The following SPATA7 variants were observed in gnomAD, a reference collection of about 807,000 sequenced individuals.
SPATA7 encodes the protein spermatogenesis associated 7, also known as spermatogenesis-associated protein 7.
A neutral mutation model predicts 51.8 loss-of-function variants in SPATA7; 43 were observed. That is an observed-to-expected ratio of 0.83 (90% CI 0.65 to 1.07). The LOEUF is 1.07. Ranked by LOEUF, SPATA7 falls within the 50% of genes least tolerant of loss-of-function variation. SPATA7 has a pLI of 0.00. For missense variants in SPATA7, 683 were observed against 701.3 expected (o/e 0.97, Z 0.30); for synonymous variants, 230 against 252.8 (o/e 0.91, Z 0.86).
chr14:88,393,762 A>G (rs932315680), intron 3 of SPATA7: 3 of 282,310 alleles, frequency 1.1e-5, no homozygotes, highest in African/African-American at 6.7e-5. Context: ...TTTAATATGA[A>G]AATATATAAT....
intron 3 of SPATA7, among the ~76,000 whole-genome samples, chr14:88,452,875 C>G (rs1460089009): frequency 6.6e-6 from 1 of 152,188 alleles, no homozygotes; most frequent in South Asian, 2.1e-4. Flanking sequence ...CCGAAGCACC[C>G]TGTGTCAATC....
chr14:88,418,535 T>G (rs530532355), intron 5 of SPATA7, among the ~76,000 whole-genome samples: 1 of 152,212 alleles, frequency 6.6e-6, no homozygotes, highest in South Asian at 2.1e-4. Context: ...CATGCAGTAG[T>G]GTGATCTCGG....
intron 10 of SPATA7, among the ~76,000 whole-genome samples, chr14:88,436,637 C>T (rs2077095561): frequency 1.3e-5 from 2 of 152,158 alleles, no homozygotes; most frequent in Non-Finnish European, 2.9e-5. Flanking sequence ...CATTCTTTTG[C>T]ATATGGGTAT....
chr14:88,417,291 T>G (rs1172143720), intron 5 of SPATA7, among the ~76,000 whole-genome samples: 1 of 129,956 alleles, frequency 7.7e-6, no homozygotes, highest in African/African-American at 2.6e-5. Context: ...ATTTTTCTCT[T>G]TTAATCTGTG....
intron 3 of SPATA7, among the ~76,000 whole-genome samples, chr14:88,449,753 A>T (rs1425166529): frequency 6.6e-6 from 1 of 151,986 alleles, no homozygotes; most frequent in East Asian, 1.9e-4. Flanking sequence ...TAAATTTGGG[A>T]GCTCCAGTGT....
At chr14:88,395,394 G>A (rs1459680133) in intron 3 of SPATA7, among the ~76,000 whole-genome samples, 1 of 151,718 alleles carries the variant, frequency 6.6e-6, no homozygotes, top group Admixed American at 6.6e-5. Context: ...AAAATATTTT[G>A]TGACATGAAA....
intron 1 of SPATA7, among the ~76,000 whole-genome samples, chr14:88,390,782 G>T (rs1326335995): frequency 3.9e-5 from 6 of 152,100 alleles, no homozygotes; most frequent in East Asian, 1.9e-4. Context: ...GAGTTTGTTG[G>T]TATTTTTTCT....
intron 4 of SPATA7, chr14:88,414,733 G>T (rs2076428915): frequency 1.1e-5 from 4 of 369,286 alleles, no homozygotes; most frequent in Admixed American, 7.5e-5. Context: ...AGAAATTTTG[G>T]TATGTTGTGT....
At chr14:88,429,203 A>C (rs926796306) in intron 7 of SPATA7, 145 bp from the exon 8 acceptor site, 1 of 510,878 alleles carries the variant, frequency 2.0e-6, no homozygotes, top group East Asian at 3.1e-5. Flanking sequence ...GGATAGAAAA[A>C]TTATTCTAAA....
intron 5 of SPATA7, among the ~76,000 whole-genome samples, chr14:88,425,422 A>G (rs1242823996): frequency 6.6e-6 from 1 of 152,172 alleles, no homozygotes; most frequent in South Asian, 2.1e-4. Flanking sequence ...TGTAACCTCC[A>G]TGTAATTTCC....
intron 1 of SPATA7, among the ~76,000 whole-genome samples, chr14:88,386,205 C>T (rs894791303): frequency 1.3e-5 from 2 of 152,178 alleles, no homozygotes; most frequent in African/African-American, 4.8e-5. Context: ...TCCATGGAGA[C>T]GACCCTCAGT....
At chr14:88,444,790 G>C (rs1418285707) in intron 3 of SPATA7, among the ~76,000 whole-genome samples, 1 of 152,156 alleles carries the variant, frequency 6.6e-6, no homozygotes, top group East Asian at 1.9e-4. Context: ...AGATCAGATA[G>C]TTGTAGATAT....
intron 4 of SPATA7, among the ~76,000 whole-genome samples, chr14:88,402,959 C>CAAAAAAAAAAAA (rs56330042): frequency 1.9e-4 from 12 of 62,014 alleles, no homozygotes; most frequent in African/African-American, 2.5e-4. Context: ...AACTCAATAG[C>CAAAAAAAAAAAA]AAAAAAAAAA....
chr14:88,410,753 GT>G (rs1456958115), intron 4 of SPATA7: 1 of 159,934 alleles, frequency 6.3e-6, no homozygotes, highest in Non-Finnish European at 1.3e-5. Flanking sequence ...ATTGCTGCCT[GT>G]TTTTCCTTCA....
intron 10 of SPATA7, among the ~76,000 whole-genome samples, chr14:88,434,204 A>G (rs947832710): frequency 3.3e-5 from 5 of 152,298 alleles, no homozygotes; most frequent in African/African-American, 1.2e-4. Context: ...AGATTATAAG[A>G]CTGTTTATTA....
At position 88,429,477 on chromosome 14, in the gene SPATA7, AG is replaced by A. The variant is rs756955056; in HGVS notation, c.1028+16del. The A allele has an allele frequency of 6.5e-7, 1 of 1,527,014 alleles. No homozygotes were observed. The highest frequency in any genetic ancestry group is 1.1e-5 in the South Asian group (1 of 89,022). 94.6% of individuals were successfully genotyped at this position (1,527,014 alleles called of 1,614,324 possible). On this transcript the variant is annotated intron_variant, in intron 8 of 11. Coordinates refer to ENST00000393545, the MANE Select transcript of SPATA7 (RefSeq NM_018418.5). ...TTCCTCACCAAGGTAAACAGTTCACAGGAGAAATAATTTCAACTGTCTTTAA... is the reference window on the plus strand; with the variant it reads ...TTCCTCACCAAGGTAAACAGTTCACAGAGAAATAATTTCAACTGTCTTTAA...
At chr14:88,418,509 C>T (rs938475532) in intron 5 of SPATA7, among the ~76,000 whole-genome samples, 1 of 152,160 alleles carries the variant, frequency 6.6e-6, no homozygotes, top group Non-Finnish European at 1.5e-5. Flanking sequence ...ATGTCTTGCT[C>T]TGTTGCCCAG....
intron 4 of SPATA7, among the ~76,000 whole-genome samples, chr14:88,412,388 T>C (rs1281016033): frequency 6.6e-6 from 1 of 152,158 alleles, no homozygotes; most frequent in East Asian, 1.9e-4. Flanking sequence ...GGAGAGCCAG[T>C]CTGAGTTCCA....
At chr14:88,440,455 A>G (rs535511621), downstream of SPATA7, among the ~76,000 whole-genome samples, 4 of 152,370 alleles carry the variant, frequency 2.6e-5, no homozygotes, top group Admixed American at 1.3e-4. Context: ...TGAATGTGGC[A>G]AAAGTATTAT....
Sources: allele counts gnomAD v4.1 joint callset (sites outside exome capture counted in the v4.1 genomes callset), GRCh38; gene constraint gnomAD v4.1.1; transcripts MANE v1.5; gene names NCBI Gene and HGNC (gene_info 2026-07-23, HGNC 2026-07-21).